The following EDA variants were observed in gnomAD, a reference collection of about 807,000 sequenced individuals.
EDA encodes the protein ectodysplasin A.
Under a neutral mutation model 23.6 loss-of-function variants are expected in EDA, and 2 were observed. The observed-to-expected ratio is 0.08, with a 90% confidence interval of 0.03 to 0.27. EDA has a LOEUF of 0.27. Ranked by LOEUF, EDA falls within the 10% of genes least tolerant of loss-of-function variation. EDA has a pLI of 1.00. For synonymous variants in EDA, 131 were observed against 132.0 expected, an observed-to-expected ratio of 0.99 and a Z score of 0.05; for missense variants, 229 against 324.2, an observed-to-expected ratio of 0.71 and a Z score of 2.26.
At chrX:69,951,103 A>G (rs2018918133) in intron 1 of EDA, among the ~76,000 whole-genome samples, 1 of 70,516 alleles carries the variant, frequency 1.4e-5, no homozygotes, top group Non-Finnish European at 3.3e-5. Context: ...ATAATAAATA[A>G]AAAAAGAAAA....
At chrX:69,953,202 T>C in intron 1 of EDA, among the ~76,000 whole-genome samples, 1 of 112,483 alleles carries the variant, frequency 8.9e-6, no homozygotes, top group East Asian at 2.8e-4. Flanking sequence ...ATGTCAAGCC[T>C]ATAGCAGATT....
At chrX:69,698,302 G>T (rs1486074170) in intron 1 of EDA, among the ~76,000 whole-genome samples, 1 of 111,695 alleles carries the variant, frequency 9.0e-6, no homozygotes, top group Admixed American at 9.5e-5. Flanking sequence ...GACGGATCCA[G>T]TAGGGGAGTC....
chrX:69,776,563 T>C (rs1179506782), intron 1 of EDA, among the ~76,000 whole-genome samples: 5 of 111,155 alleles, frequency 4.5e-5, no homozygotes, highest in African/African-American at 1.3e-4. Context: ...ATTAAACCTC[T>C]TTTTTTTAAA....
At chrX:69,762,654 AT>A in intron 1 of EDA, among the ~76,000 whole-genome samples, 1 of 112,256 alleles carries the variant, frequency 8.9e-6, no homozygotes, top group Non-Finnish European at 1.9e-5. Flanking sequence ...TTTCAAATTA[AT>A]TTTTAAGATG....
At chrX:69,988,712 C>T (rs1485874968) in intron 2 of EDA, among the ~76,000 whole-genome samples, 2 of 109,924 alleles carry the variant, frequency 1.8e-5, no homozygotes, top group African/African-American at 3.3e-5. Context: ...AAAAATTAGC[C>T]GGGCGTGGTG....
intron 1 of EDA, among the ~76,000 whole-genome samples, chrX:69,808,135 G>A (rs1342352574): frequency 3.6e-5 from 4 of 111,562 alleles, no homozygotes; most frequent in Non-Finnish European, 5.7e-5. Context: ...ACTGAATAGT[G>A]TTGTGTTTTG....
chrX:70,032,264 GAAAA>G (rs781197702), intron 6 of EDA, among the ~76,000 whole-genome samples: 2 of 90,100 alleles, frequency 2.2e-5, no homozygotes, highest in Non-Finnish European at 2.2e-5. Flanking sequence ...GTCCATCTCA[GAAAA>G]AAAAAAAAAA....
chrX:69,682,093 A>T (rs1934377998), intron 1 of EDA, among the ~76,000 whole-genome samples: 1 of 112,033 alleles, frequency 8.9e-6, no homozygotes, highest in South Asian at 3.8e-4. Flanking sequence ...GTGAGGTGTC[A>T]GTCTGCCCCT....
intron 2 of EDA, among the ~76,000 whole-genome samples, chrX:70,014,113 C>T (rs988404084): frequency 8.9e-6 from 1 of 112,208 alleles, no homozygotes. Flanking sequence ...CTGAGCACAG[C>T]CCAGGAGTGC....
intron 2 of EDA, among the ~76,000 whole-genome samples, chrX:70,016,831 A>G (rs1274201550): frequency 8.9e-6 from 1 of 111,836 alleles, no homozygotes; most frequent in Non-Finnish European, 1.9e-5. Context: ...CCAACCCCAT[A>G]CTAGCGGAAG....
intron 1 of EDA, among the ~76,000 whole-genome samples, chrX:69,737,826 T>G (rs2013320129): frequency 1.0e-5 from 1 of 95,623 alleles, no homozygotes; most frequent in South Asian, 5.6e-4. Context: ...GAAAAACAAT[T>G]TCACTGGGTG....
intron 1 of EDA, among the ~76,000 whole-genome samples, chrX:69,874,959 C>T (rs766371128): frequency 8.9e-6 from 1 of 111,936 alleles, no homozygotes; most frequent in Admixed American, 9.5e-5. Context: ...AGGAAAACTA[C>T]AAAACACTGC....
intron 2 of EDA, among the ~76,000 whole-genome samples, chrX:69,976,183 TG>T (rs2019315408): frequency 8.9e-6 from 1 of 112,198 alleles, no homozygotes; most frequent in African/African-American, 3.2e-5. Flanking sequence ...ACAGAAGGAA[TG>T]TAACACCACA....
At chrX:69,904,569 C>T (rs998202763) in intron 1 of EDA, among the ~76,000 whole-genome samples, 5 of 111,880 alleles carry the variant, frequency 4.5e-5, no homozygotes, top group South Asian at 3.7e-4. Flanking sequence ...AGGCTGGTCT[C>T]AAACTCCTGG....
chrX:69,681,584 A>G (rs1934352623), intron 1 of EDA, among the ~76,000 whole-genome samples: 1 of 110,664 alleles, frequency 9.0e-6, no homozygotes, highest in Non-Finnish European at 1.9e-5. Context: ...ATCTTCCATC[A>G]TTGATACCCT....
chrX:69,647,516 T>C (rs763317008), intron 1 of EDA, among the ~76,000 whole-genome samples: 1 of 111,966 alleles, frequency 8.9e-6, no homozygotes, highest in Non-Finnish European at 1.9e-5. Flanking sequence ...GAAGTTCTCG[T>C]GTTGTGTTTT....
chrX:69,676,988 C>A (rs1293102720), intron 1 of EDA, among the ~76,000 whole-genome samples: 1 of 78,281 alleles, frequency 1.3e-5, no homozygotes, highest in African/African-American at 4.8e-5. Flanking sequence ...CTCCCCCCAC[C>A]CCACAACTGG....
intron 1 of EDA, among the ~76,000 whole-genome samples, chrX:69,732,155 G>A (rs1388927152): frequency 2.7e-5 from 3 of 111,241 alleles, no homozygotes; most frequent in Admixed American, 9.6e-5. Flanking sequence ...CAACGTGCAG[G>A]TTTGTTACAT....
chrX:69,647,895 ATTG>A (rs1338678359), intron 1 of EDA, among the ~76,000 whole-genome samples: 3 of 111,192 alleles, frequency 2.7e-5, no homozygotes, highest in East Asian at 2.8e-4. Context: ...TGATGTTGTT[ATTG>A]TTGTTGTTTT....
Sources: gnomAD v4.1 joint callset for allele counts (sites outside exome capture counted in the v4.1 genomes callset) on GRCh38, gnomAD v4.1.1 for gene constraint, MANE v1.5 for transcripts, NCBI Gene and HGNC (gene_info 2026-07-23, HGNC 2026-07-21) for gene names.